Variants in EVC observed in about 807,000 individuals in gnomAD.
The protein encoded by EVC is evC complex member EVC.
A neutral mutation model predicts 118.9 loss-of-function variants in EVC; 116 were observed. That is an observed-to-expected ratio of 0.98 (90% confidence interval 0.84 to 1.14). EVC has a LOEUF of 1.14. EVC is among the 50% of genes most tolerant of loss of function. The probability of loss-of-function intolerance (pLI) is 0.00; values close to 1 mark genes in which losing one functional copy is unlikely to be tolerated. For synonymous variants in EVC, 619 were observed against 534.7 expected (o/e 1.16, Z -2.18); for missense variants, 1,401 against 1,246.4 (o/e 1.12, Z -1.87).
the EVC span, among the ~76,000 whole-genome samples, chr4:5,822,112 C>T: frequency 1.3e-5 from 2 of 152,266 alleles, no homozygotes; most frequent in Non-Finnish European, 2.9e-5. Context: ...TAAAATCCGA[C>T]ATTCCTGAGA....
intron 11 of EVC, among the ~76,000 whole-genome samples, chr4:5,766,857 C>A (rs956775977): frequency 6.6e-6 from 1 of 151,656 alleles, no homozygotes; most frequent in Non-Finnish European, 1.5e-5. Context: ...GAATTTCCTC[C>A]TGTAGCTCAG....
At chr4:5,825,406 C>T in the EVC span, 1 of 1,489,176 alleles carries the variant, frequency 6.7e-7, no homozygotes, top group East Asian at 2.5e-5. This position sits in a 1 kb window ranked among gnomAD's most constrained non-coding sequence, Gnocchi z 4.4. Flanking sequence ...GTGTCCAAGG[C>T]CACGTGTCCA....
At chr4:5,745,456 C>A in intron 7 of EVC, 115 bp downstream of exon 7, 1 of 1,093,988 alleles carries the variant, frequency 9.1e-7, no homozygotes, top group African/African-American at 1.6e-5. Flanking sequence ...TCCCCTATCG[C>A]ATTCTGCCCT....
At chr4:5,793,014 GTC>G (rs1434638005) in intron 12 of EVC, among the ~76,000 whole-genome samples, 2 of 152,096 alleles carry the variant, frequency 1.3e-5, no homozygotes, top group African/African-American at 4.8e-5. Flanking sequence ...ATTCCAAAGA[GTC>G]TTTTTTCCCC....
chr4:5,741,540 A>AT (rs1394166069), intron 5 of EVC, among the ~76,000 whole-genome samples, 176 bp from the exon 6 acceptor site: 1 of 152,176 alleles, frequency 6.6e-6, no homozygotes, highest in Non-Finnish European at 1.5e-5. Context: ...CATTGTCATG[A>AT]TTTATAATCG....
intron 3 of EVC, among the ~76,000 whole-genome samples, chr4:5,730,910 G>A (rs74601912): frequency 8.1e-6 from 1 of 123,936 alleles, no homozygotes; most frequent in Non-Finnish European, 1.8e-5. Context: ...TCCTGTGGGC[G>A]TGGTGTGCAT....
intron 18 of EVC, among the ~76,000 whole-genome samples, chr4:5,808,860 A>T (rs1302813635): frequency 3.9e-5 from 6 of 152,232 alleles, no homozygotes; most frequent in Non-Finnish European, 8.8e-5. Context: ...CCTTTAAAAA[A>T]ATCAAATCTT....
At chr4:5,787,603 T>G (rs933851788) in intron 12 of EVC, among the ~76,000 whole-genome samples, 1 of 152,180 alleles carries the variant, frequency 6.6e-6, no homozygotes, top group Non-Finnish European at 1.5e-5. Flanking sequence ...CATTTCAGGC[T>G]TCCGATCTCC....
Position 5,760,811 on chromosome 4 carries a change from C to A in EVC, c.1563+4449C>A, listed in dbSNP as rs917235031. Among the ~76,000 whole-genome samples, 12 of 152,180 alleles carry A rather than the reference C, an allele frequency of 7.9e-5. No individual in the cohort carries two copies. In the South Asian group the frequency reaches 8.3e-4, roughly 10 times the overall value. On this transcript the variant is annotated intron_variant, in intron 11 of 20. Coordinates refer to ENST00000264956, the MANE Select transcript of EVC (RefSeq NM_153717.3). The stretch of plus-strand genomic sequence containing the variant: ...AGGTGATCCACTCGCCTTGGCCTCC[C>A]AAAGTGCTGGGATTATAGGCGTGAG...
In EVC at chr4:5,797,238, A is replaced by C. The variant is rs1387642680; in HGVS notation, c.2097+6A>C. 1 of 1,600,136 alleles carries C rather than the reference A, an allele frequency of 6.2e-7. No individual in the cohort carries two copies. Among genetic ancestry groups the C allele is most frequent in the African/African-American group, 1.3e-5 (1 of 74,706 alleles). On this transcript the variant is annotated splice_donor_region_variant and intron_variant, in intron 14 of 20. Transcript: ENST00000264956. Reference sequence around the variant, plus strand: ...GGCAGCTGCTCAGGGCCCTGGTAAGACCAGCATGGTGGCCCCACCCATTCC... The same window carrying C: ...GGCAGCTGCTCAGGGCCCTGGTAAGCCCAGCATGGTGGCCCCACCCATTCC...
rs1394184570 is a variant in EVC at position 5,758,098 on chromosome 4, T to G, written c.1563+1736T>G. 5.7e-6 allele frequency: 4 copies of G among 702,076 alleles called. No individual in the cohort carries two copies. In the Admixed American group the frequency reaches 6.0e-5, roughly 11 times the overall value. The allele number at this position is 702,076 out of a possible 1,614,324, so 43.5% of individuals were successfully genotyped here. A position where few individuals can be genotyped will look rare whatever the true frequency, so the allele number is the denominator to read the frequency against. On this transcript the variant is annotated intron_variant, in intron 11 of 20. Coordinates refer to ENST00000264956, the MANE Select transcript of EVC (RefSeq NM_153717.3). ...CTTATAAGAAGGCCATGAGAAGACA[T>G]AGAGACACAGGGAAGGAGGCTGTTT...
At chr4:5,809,424 C>T (rs1247503026) in intron 18 of EVC, 94 bp from the exon 19 acceptor site, 2 of 1,126,308 alleles carry the variant, frequency 1.8e-6, no homozygotes, top group East Asian at 4.7e-5. Context: ...TCTTCAGTGG[C>T]CAGCCTCAAG....
the EVC span, among the ~76,000 whole-genome samples, chr4:5,827,372 C>T: frequency 1.3e-5 from 2 of 152,146 alleles, no homozygotes; most frequent in African/African-American, 2.4e-5. Context: ...TCCCTTGTTT[C>T]CCCATCCAGT....
chr4:5,828,455 A>G, the EVC span: 140 of 1,602,700 alleles, frequency 8.7e-5, no homozygotes, highest in Non-Finnish European at 1.2e-4. Flanking sequence ...CTCTGGTCCC[A>G]CGGGTGGGCC....
intron 15 of EVC, chr4:5,801,717 ACTTT>A (rs1715014893): frequency 2.0e-6 from 1 of 498,246 alleles, no homozygotes; most frequent in East Asian, 3.5e-5. Context: ...CTCTTAGCCG[ACTTT>A]CCCTAACATC....
chr4:5,805,157 C>T (rs540845709), intron 17 of EVC, among the ~76,000 whole-genome samples: 1 of 152,186 alleles, frequency 6.6e-6, no homozygotes, highest in African/African-American at 2.4e-5. Flanking sequence ...TGGGCATTCT[C>T]AGAAGCAGAC....
At chr4:5,804,877 C>G (rs1388023168) in intron 17 of EVC, 36 bp downstream of exon 17, 2 of 1,541,020 alleles carry the variant, frequency 1.3e-6, no homozygotes, top group East Asian at 4.5e-5. Flanking sequence ...TAGGGCTGTT[C>G]TCTACCCCAT....
At chr4:5,817,316 G>C (rs1036681645), downstream of EVC, among the ~76,000 whole-genome samples, 1 of 152,204 alleles carries the variant, frequency 6.6e-6, no homozygotes, top group Non-Finnish European at 1.5e-5. Flanking sequence ...GTGGTGTTTG[G>C]CTCCCGTCTG....
rs576706312 is a variant in EVC at position 5,795,516 on chromosome 4, G to A, written c.1887-1506G>A. The stretch of plus-strand genomic sequence containing the variant: ...AAATACAAAAAATTAGCTGGGCGTG[G>A]TGGCAGGTGCCTGTAATCCCAGCTA... On this transcript the variant is annotated intron_variant, in intron 13 of 20. Transcript: ENST00000264956. Among the ~76,000 whole-genome samples, 8 of 152,302 alleles carry A rather than the reference G, an allele frequency of 5.3e-5. No homozygotes were observed. In the South Asian group the frequency reaches 1.7e-3, roughly 32 times the overall value.
Sources: allele counts gnomAD v4.1 joint callset (sites outside exome capture counted in the v4.1 genomes callset), GRCh38; gene constraint gnomAD v4.1.1; non-coding constraint Gnocchi (gnomAD v3.1); transcripts MANE v1.5; gene names NCBI Gene and HGNC (gene_info 2026-07-23, HGNC 2026-07-21).